Variants in TM9SF2 observed in about 807,000 individuals in gnomAD.
TM9SF2 encodes the protein transmembrane 9 superfamily member 2.
Under a neutral mutation model 84.9 loss-of-function variants are expected in TM9SF2, and 13 were observed. The observed-to-expected ratio is 0.15, with a 90% confidence interval of 0.10 to 0.24. TM9SF2 has a LOEUF of 0.24. TM9SF2 is among the 10% of genes least tolerant of loss of function. TM9SF2 has a pLI of 1.00. For missense variants in TM9SF2, 562 were observed against 818.5 expected (o/e 0.69, Z 3.82); for synonymous variants, 273 against 285.8 (o/e 0.96, Z 0.45).
chr13:99,536,828 G>T, intron 5 of TM9SF2, 91 bp downstream of exon 5: 1 of 1,425,664 alleles, frequency 7.0e-7, no homozygotes, highest in Non-Finnish European at 9.6e-7. Context: ...TATATTCATT[G>T]AATGAGTGTA....
intron 4 of TM9SF2, among the ~76,000 whole-genome samples, chr13:99,533,579 G>T (rs909735873): frequency 6.6e-6 from 1 of 152,136 alleles, no homozygotes; most frequent in Non-Finnish European, 1.5e-5. Flanking sequence ...CATTGGAACC[G>T]TGCTGTAGTT....
Position 99,519,516 on chromosome 13 carries a change from C to CT in TM9SF2, c.240-518dup, listed in dbSNP as rs957764724. Reference sequence around the variant, plus strand: ...ACAAGGGAATTACAACACAGGGAATCTTATAGGTGACTGACTACATCTTCT... The same window carrying CT: ...ACAAGGGAATTACAACACAGGGAATCTTTATAGGTGACTGACTACATCTTCT... On this transcript the variant is annotated intron_variant, in intron 2 of 16. Transcript: ENST00000376387. 5.4e-4 allele frequency: 82 copies of CT among 152,900 alleles called. 1 individual carries two copies. The highest frequency in any genetic ancestry group is 1.9e-3 in the African/African-American group (79 of 41,546). The allele number at this position is 152,900 out of a possible 1,614,324, so 9.5% of individuals were successfully genotyped here. A position where few individuals can be genotyped will look rare whatever the true frequency, so the allele number is the denominator to read the frequency against.
intron 12 of TM9SF2, among the ~76,000 whole-genome samples, chr13:99,550,014 T>C (rs2046299120): frequency 6.6e-6 from 1 of 152,222 alleles, no homozygotes; most frequent in African/African-American, 2.4e-5. Context: ...TCTCAAGCCA[T>C]GTCCTTTGTT....
chr13:99,504,190 C>T (rs1268539724), intron 1 of TM9SF2, among the ~76,000 whole-genome samples: 2 of 152,094 alleles, frequency 1.3e-5, no homozygotes, highest in African/African-American at 2.4e-5. Flanking sequence ...TCATCTATTT[C>T]GTATTTGTTA....
At chr13:99,523,111 C>G (rs2046167459) in intron 3 of TM9SF2, among the ~76,000 whole-genome samples, 1 of 152,112 alleles carries the variant, frequency 6.6e-6, no homozygotes, top group Non-Finnish European at 1.5e-5. Context: ...ATGTATTGAC[C>G]AACATTTTTC....
At chr13:99,520,549 A>T (rs1472961441) in intron 3 of TM9SF2, among the ~76,000 whole-genome samples, 1 of 151,528 alleles carries the variant, frequency 6.6e-6, no homozygotes, top group Non-Finnish European at 1.5e-5. Context: ...GGGCTCCCGC[A>T]CTGGGATTTT....
chr13:99,537,617 A>G, intron 5 of TM9SF2, 122 bp from the exon 6 acceptor site: 1 of 782,404 alleles, frequency 1.3e-6, no homozygotes, highest in Non-Finnish European at 1.9e-6. Context: ...TGTTAATGTG[A>G]AAGGCTTAAA....
intron 5 of TM9SF2, 114 bp from the exon 6 acceptor site, chr13:99,537,625 A>C: frequency 1.1e-6 from 1 of 871,870 alleles, no homozygotes; most frequent in Admixed American, 3.4e-5. Context: ...TGAAAGGCTT[A>C]AAATTCCATT....
chr13:99,546,654 T>C (rs1352061277), intron 10 of TM9SF2, among the ~76,000 whole-genome samples: 4 of 152,108 alleles, frequency 2.6e-5, no homozygotes, highest in South Asian at 4.1e-4. Flanking sequence ...TTTTCACTTA[T>C]GTCAATTTTA....
At chr13:99,554,552 G>A (rs140293510) in intron 14 of TM9SF2, 97 bp downstream of exon 14, 5 of 1,299,434 alleles carry the variant, frequency 3.8e-6, no homozygotes, top group Non-Finnish European at 5.2e-6. Context: ...TCCTGTAAAT[G>A]TAAGCAGTTC....
At chr13:99,538,954 A>G (rs2046246148) in intron 6 of TM9SF2, among the ~76,000 whole-genome samples, 1 of 150,846 alleles carries the variant, frequency 6.6e-6, no homozygotes, top group African/African-American at 2.4e-5. Flanking sequence ...TTGTAATCCC[A>G]GCACTTTGAG....
rs2046240376 is a variant in TM9SF2 at position 99,537,679 on chromosome 13, T to C, written c.592-60T>C. 1.4e-5 allele frequency: 20 copies of C among 1,417,530 alleles called. No homozygotes were observed. The South Asian group carries it at 2.8e-4, about 20-fold the overall frequency. 87.8% of individuals were successfully genotyped at this position (1,417,530 alleles called of 1,614,324 possible). ...CTTGTTGTAGCCCATTTTAAAGTTT[T>C]AAGTTTTGACTCTTATGTAGTCAGT... On this transcript the variant is annotated intron_variant, in intron 5 of 16. Transcript: ENST00000376387.
At position 99,554,475 on chromosome 13, in the gene TM9SF2, C is replaced by T. The variant is rs1444480661; in HGVS notation, c.1640+20C>T. On this transcript the variant is annotated intron_variant, in intron 14 of 16. Coordinates refer to ENST00000376387, the MANE Select transcript of TM9SF2 (RefSeq NM_004800.3). ...TATTTGGTAAGCTAAGGATAAAGTC[C>T]TCTCATTCTCATTACCATTATATGT... 8 of 1,608,694 alleles carry T rather than the reference C, an allele frequency of 5.0e-6. No homozygotes were observed. The highest frequency in any genetic ancestry group is 5.9e-6 in the Non-Finnish European group (7 of 1,177,450).
intron 4 of TM9SF2, among the ~76,000 whole-genome samples, chr13:99,535,911 T>G (rs1254624381): frequency 6.6e-6 from 1 of 152,222 alleles, no homozygotes; most frequent in East Asian, 1.9e-4. Context: ...CTATAGAACT[T>G]GAAAGATTTG....
intron 10 of TM9SF2, among the ~76,000 whole-genome samples, chr13:99,545,708 AG>A (rs1018873005): frequency 7.9e-5 from 12 of 152,186 alleles, no homozygotes; most frequent in South Asian, 2.1e-4. Flanking sequence ...CTGGGATTAC[AG>A]GCGCCTGCCA....
In TM9SF2 at chr13:99,517,589, T is replaced by G. The variant is rs1290964299; in HGVS notation, c.172-25T>G. On this transcript the variant is annotated intron_variant, in intron 1 of 16. Transcript: ENST00000376387. ...GCTTTGTGTCCTGTTGTTTATATTC[T>G]AATTTTGTGTTTCCTTATTTTCAGG... 3 of 1,517,000 alleles carry G rather than the reference T, an allele frequency of 2.0e-6. No individual in the cohort carries two copies. In the South Asian group the frequency reaches 3.8e-5, roughly 19 times the overall value. 94.0% of individuals were successfully genotyped at this position (1,517,000 alleles called of 1,614,324 possible).
At chr13:99,529,422 C>T (rs749644183) in intron 3 of TM9SF2, 45 bp from the exon 4 acceptor site, 3 of 1,450,796 alleles carry the variant, frequency 2.1e-6, no homozygotes, top group Non-Finnish European at 1.8e-6. Flanking sequence ...TATGAAAAAC[C>T]TGGATATTTT....
In TM9SF2 at chr13:99,539,491, C is replaced by T. The variant is rs2046249307; in HGVS notation, c.762C>T (p.Pro254=). 6.2e-7 allele frequency: 1 copy of T among 1,613,806 alleles called. No homozygotes were observed. Among genetic ancestry groups the T allele is most frequent in the Admixed American group, 1.7e-5 (1 of 60,008 alleles). Residue 254 remains proline (P), a synonymous_variant, in exon 7 of 17, where the codon CCC becomes CCT. Transcript: ENST00000376387. ...HIDKPDCSGP[P]MDISNKASGE... ...ATAAACCAGACTGCTCAGGGCCCCC[C>T]ATGGACATAAGTAACAAGGCTTCTG...
rs751936664 is a variant in TM9SF2, at chr13:99,552,215, A to G, written c.1377A>G (p.Glu459=). The change falls in exon 13 of 17, where the codon GAA becomes GAG. Residue 459 remains glutamate (E), a synonymous_variant. Coordinates refer to ENST00000376387, the MANE Select transcript of TM9SF2 (RefSeq NM_004800.3). ...TAATGAATCTGATCCTCTGGGGAGA[A>G]GGATCTTCAGCAGCTATTCCTTTTG... ...FFIMNLILWG[E]GSSAAIPFGT... 31 of 1,614,048 alleles carry G rather than the reference A, an allele frequency of 1.9e-5. No homozygotes were observed. The highest frequency in any genetic ancestry group is 2.5e-5 in the Non-Finnish European group (30 of 1,180,010).
Sources: allele counts gnomAD v4.1 joint callset (sites outside exome capture counted in the v4.1 genomes callset), GRCh38; gene constraint gnomAD v4.1.1; transcripts MANE v1.5; gene names NCBI Gene and HGNC (gene_info 2026-07-23, HGNC 2026-07-21).